The following SORCS1 variants were observed in gnomAD, a reference collection of about 807,000 sequenced individuals.
The protein encoded by SORCS1 is VPS10 domain-containing receptor SorCS1.
In SORCS1, 60 loss-of-function variants were observed where a neutral mutation model predicts 146.1. The ratio of observed to expected loss-of-function variants is 0.41; its 90% CI spans 0.33 to 0.51. The LOEUF (loss-of-function observed/expected upper bound fraction) is 0.51, where lower values mean the gene tolerates loss of function less well. SORCS1 is among the 20% of genes least tolerant of loss of function. SORCS1 has a pLI of 0.21. For missense variants in SORCS1, 1,352 were observed against 1,487.6 expected (o/e 0.91, Z 1.50); for synonymous variants, 637 against 584.0 (o/e 1.09, Z -1.31).
At chr10:107,113,414 C>T (rs538490516) in intron 1 of SORCS1, among the ~76,000 whole-genome samples, 3 of 152,146 alleles carry the variant, frequency 2.0e-5, no homozygotes, top group South Asian at 2.1e-4. Flanking sequence ...AAAGGCCAGG[C>T]GCGGTGCCTT....
At chr10:107,024,221 G>C (rs914405999) in intron 1 of SORCS1, among the ~76,000 whole-genome samples, 9 of 151,424 alleles carry the variant, frequency 5.9e-5, no homozygotes, top group Non-Finnish European at 4.4e-5. Context: ...TTGGCCCCTG[G>C]TTCTGAAGGG....
At chr10:106,833,997 G>A (rs569150046) in intron 2 of SORCS1, among the ~76,000 whole-genome samples, 1 of 152,234 alleles carries the variant, frequency 6.6e-6, no homozygotes, top group East Asian at 1.9e-4. Context: ...GTTTCACCGT[G>A]TTAGCCAGGA....
chr10:106,956,724 G>A (rs1347155893), intron 1 of SORCS1, 144 bp from the exon 2 acceptor site: 1 of 692,900 alleles, frequency 1.4e-6, no homozygotes, highest in Non-Finnish European at 2.4e-6. Context: ...CACACTGACT[G>A]GGGAAAGGTT....
At chr10:106,948,036 T>C (rs1954449244) in intron 2 of SORCS1, among the ~76,000 whole-genome samples, 1 of 152,194 alleles carries the variant, frequency 6.6e-6, no homozygotes, top group Non-Finnish European at 1.5e-5. Context: ...CCCATTTTTT[T>C]CAATGCATTC....
At chr10:106,647,544 T>G (rs1041976988) in intron 18 of SORCS1, among the ~76,000 whole-genome samples, 1 of 152,044 alleles carries the variant, frequency 6.6e-6, no homozygotes, top group Non-Finnish European at 1.5e-5. Flanking sequence ...CAGAATAGAG[T>G]GCCTAGAAAT....
chr10:106,594,174 C>A (rs1401773788), intron 24 of SORCS1, among the ~76,000 whole-genome samples: 1 of 152,180 alleles, frequency 6.6e-6, no homozygotes, highest in Admixed American at 6.5e-5. Context: ...ACTTTTTGAT[C>A]TCAATATTTC....
chr10:106,578,798 T>C, intron 25 of SORCS1: 6 of 1,240,018 alleles, frequency 4.8e-6, no homozygotes, highest in Non-Finnish European at 6.1e-6. Flanking sequence ...GCAAATGCTT[T>C]GCTCTTTGCC....
At chr10:106,656,879 T>C (rs1398637235) in intron 17 of SORCS1, among the ~76,000 whole-genome samples, 2 of 152,188 alleles carry the variant, frequency 1.3e-5, no homozygotes, top group Non-Finnish European at 1.5e-5. Flanking sequence ...TTTTTGTTTT[T>C]AGGTTCCCCT....
chr10:106,824,983 C>T (rs964582896), intron 3 of SORCS1, among the ~76,000 whole-genome samples: 3 of 152,134 alleles, frequency 2.0e-5, no homozygotes, highest in Non-Finnish European at 4.4e-5. Context: ...AGATAGTGTG[C>T]TGAGACCACA....
At chr10:106,701,708 G>A (rs552094434) in intron 8 of SORCS1, among the ~76,000 whole-genome samples, 2 of 152,186 alleles carry the variant, frequency 1.3e-5, no homozygotes, top group Non-Finnish European at 2.9e-5. Context: ...CTAGTAAAGT[G>A]GCTGAAGAAT....
At chr10:106,689,615 C>A (rs1019923396) in intron 9 of SORCS1, among the ~76,000 whole-genome samples, 1 of 152,128 alleles carries the variant, frequency 6.6e-6, no homozygotes, top group Non-Finnish European at 1.5e-5. Flanking sequence ...CAGACCTCGC[C>A]AAACGCCAAG....
intron 2 of SORCS1, among the ~76,000 whole-genome samples, chr10:106,942,600 A>G (rs1201625842): frequency 6.6e-6 from 1 of 152,114 alleles, no homozygotes; most frequent in Admixed American, 6.5e-5. Flanking sequence ...CTCAACATAC[A>G]ACCAAATGGC....
intron 1 of SORCS1, among the ~76,000 whole-genome samples, chr10:107,075,953 T>C (rs901121625): frequency 1.3e-4 from 19 of 151,974 alleles, no homozygotes; most frequent in Non-Finnish European, 2.1e-4. Context: ...GATGTCCTTT[T>C]TGAGAAAAGA....
intron 1 of SORCS1, among the ~76,000 whole-genome samples, chr10:106,968,050 A>T (rs1171052399): frequency 1.3e-5 from 2 of 151,820 alleles, no homozygotes; most frequent in East Asian, 3.9e-4. Context: ...TAAAGAAAAA[A>T]AAAAAAAAAG....
chr10:107,053,545 A>C (rs1960331276), intron 1 of SORCS1, among the ~76,000 whole-genome samples: 1 of 152,128 alleles, frequency 6.6e-6, no homozygotes, highest in South Asian at 2.1e-4. Context: ...TGAAAAAAAA[A>C]TGTCTCCAAC....
At chr10:106,967,636 T>G (rs1271396527) in intron 1 of SORCS1, among the ~76,000 whole-genome samples, 5 of 152,194 alleles carry the variant, frequency 3.3e-5, no homozygotes, top group Non-Finnish European at 4.4e-5. Context: ...TCTCCAGAGC[T>G]GCAGTTGGAG....
chr10:106,981,664 AT>A (rs1400352442), intron 1 of SORCS1, among the ~76,000 whole-genome samples: 1 of 152,028 alleles, frequency 6.6e-6, no homozygotes, highest in Non-Finnish European at 1.5e-5. Flanking sequence ...ATCTTTGAGG[AT>A]TTTTTTTCTC....
chr10:107,025,743 T>A (rs1285576666), intron 1 of SORCS1, among the ~76,000 whole-genome samples: 1 of 152,200 alleles, frequency 6.6e-6, no homozygotes, highest in Non-Finnish European at 1.5e-5. Context: ...GATGTCAGGC[T>A]GGGGAGCTGG....
At chr10:106,618,618 C>T (rs938558033) in intron 20 of SORCS1, among the ~76,000 whole-genome samples, 28 of 152,124 alleles carry the variant, frequency 1.8e-4, no homozygotes, top group Admixed American at 1.6e-3. Flanking sequence ...AGGAAATGAT[C>T]AAAGCAAATG....
Sources: allele counts gnomAD v4.1 joint callset (sites outside exome capture counted in the v4.1 genomes callset), GRCh38; gene constraint gnomAD v4.1.1; transcripts MANE v1.5; gene names NCBI Gene and HGNC (gene_info 2026-07-23, HGNC 2026-07-21).